The following CPM variants were observed in gnomAD, a reference collection of about 807,000 sequenced individuals.
CPM encodes renal carboxypeptidase.
Under a neutral mutation model 46.4 loss-of-function variants are expected in CPM, and 35 were observed. The observed-to-expected ratio is 0.75, with a 90% CI of 0.58 to 1.00. The LOEUF (loss-of-function observed/expected upper bound fraction) is 1.00, where lower values mean the gene tolerates loss of function less well. Ranked by LOEUF, CPM falls within the 50% of genes least tolerant of loss-of-function variation. The probability of loss-of-function intolerance (pLI) is 0.00; values close to 1 mark genes in which losing one functional copy is unlikely to be tolerated. For synonymous variants in CPM, 195 were observed against 195.3 expected (o/e 1.00, Z 0.01); for missense variants, 422 against 530.4 (o/e 0.80, Z 2.01).
At chr12:68,920,228 C>T (rs954743715) in intron 2 of CPM, among the ~76,000 whole-genome samples, 1 of 152,222 alleles carries the variant, frequency 6.6e-6, no homozygotes. Flanking sequence ...AATTAAACCT[C>T]TTTTCTTTAT....
chr12:68,929,554 C>T (rs1157790833), intron 2 of CPM, among the ~76,000 whole-genome samples: 1 of 152,114 alleles, frequency 6.6e-6, no homozygotes, highest in African/African-American at 2.4e-5. Flanking sequence ...AAAGGCTCAA[C>T]TGAAATATGG....
In CPM at chr12:68,856,179, C is replaced by T; in HGVS notation, c.*258G>A. 4.7e-6 allele frequency: 2 copies of T among 425,734 alleles called. No individual in the cohort carries two copies. The highest frequency in any genetic ancestry group is 8.3e-6 in the Non-Finnish European group (2 of 240,790). 26.4% of individuals were successfully genotyped at this position (425,734 alleles called of 1,614,324 possible). On this transcript the variant is annotated 3_prime_UTR_variant, in exon 9 of 9. Transcript: ENST00000551568. ...TAACTTCTTACACATTTTAAGACTA[C>T]TTCAAGATTAATTTGAGTGTAAATG...
At chr12:68,914,617 G>A (rs1887732422) in intron 2 of CPM, among the ~76,000 whole-genome samples, 1 of 152,166 alleles carries the variant, frequency 6.6e-6, no homozygotes, top group Non-Finnish European at 1.5e-5. Flanking sequence ...TACTCTGGCA[G>A]TTTTCTTTAC....
chr12:68,881,978 T>C (rs1886208478), intron 3 of CPM, among the ~76,000 whole-genome samples: 1 of 145,862 alleles, frequency 6.9e-6, no homozygotes, highest in Admixed American at 6.9e-5. Context: ...CACCTCAGCC[T>C]CCCAAAATGC....
chr12:68,933,151 G>T lies in CPM; in HGVS notation c.-13C>A. On this transcript the variant is annotated 5_prime_UTR_variant, in exon 1 of 9. The change creates a new upstream start codon in the 5' untranslated region. Transcript: ENST00000551568. ...GCACCCCCAGCCTCACCAGGTCCCAGGCGCGCACCTCTACCCACCCGCGGC... is the reference window on the plus strand; with the variant it reads ...GCACCCCCAGCCTCACCAGGTCCCATGCGCGCACCTCTACCCACCCGCGGC... 4.7e-6 allele frequency: 1 copy of T among 211,470 alleles called. No homozygotes were observed. Among genetic ancestry groups the T allele is most frequent in the Non-Finnish European group, 9.3e-6 (1 of 107,126 alleles). 13.1% of individuals were successfully genotyped at this position (211,470 alleles called of 1,614,324 possible).
chr12:68,864,265 T>G (rs951937620), intron 7 of CPM, among the ~76,000 whole-genome samples: 9 of 152,108 alleles, frequency 5.9e-5, no homozygotes, highest in Non-Finnish European at 1.2e-4. Flanking sequence ...GGCAATATGG[T>G]GAAACCCTGT....
chr12:68,954,002 G>A (rs184713088), intron 1 of CPM, among the ~76,000 whole-genome samples: 7 of 152,228 alleles, frequency 4.6e-5, no homozygotes, highest in Admixed American at 2.0e-4. Flanking sequence ...TTCTATTTTT[G>A]TTAGGCTTTT....
chr12:68,936,871 TAAAG>T (rs2136328238), upstream of CPM, among the ~76,000 whole-genome samples: 1 of 152,184 alleles, frequency 6.6e-6, no homozygotes, highest in Non-Finnish European at 1.5e-5. Context: ...TCTTACAAAA[TAAAG>T]AATGAGCAAA....
chr12:68,925,841 T>C (rs1888235368), intron 2 of CPM, among the ~76,000 whole-genome samples: 1 of 152,210 alleles, frequency 6.6e-6, no homozygotes, highest in African/African-American at 2.4e-5. Context: ...ATGCAAGTCA[T>C]ATATATAATT....
intron 1 of CPM, among the ~76,000 whole-genome samples, chr12:68,957,135 A>G (rs1889033803): frequency 6.6e-6 from 1 of 152,186 alleles, no homozygotes; most frequent in Non-Finnish European, 1.5e-5. Flanking sequence ...TAGAGATTGT[A>G]TCATAAAAAT....
intron 2 of CPM, among the ~76,000 whole-genome samples, chr12:68,907,415 T>C (rs1017074949): frequency 2.6e-5 from 4 of 152,190 alleles, no homozygotes; most frequent in African/African-American, 9.7e-5. Flanking sequence ...TTTCCTCATG[T>C]GTAAAAGGAG....
chr12:68,934,452 G>T (rs778725545), upstream of CPM, among the ~76,000 whole-genome samples: 23 of 152,274 alleles, frequency 1.5e-4, no homozygotes, highest in African/African-American at 3.6e-4. Flanking sequence ...GACTCCCTGA[G>T]ACTTCCAGTG....
chr12:68,891,089 T>G (rs920420240), intron 2 of CPM, among the ~76,000 whole-genome samples: 1 of 152,280 alleles, frequency 6.6e-6, no homozygotes, highest in African/African-American at 2.4e-5. Context: ...TCCACGTAAG[T>G]GGGAATAACA....
intron 1 of CPM, among the ~76,000 whole-genome samples, chr12:68,961,051 C>T (rs1889103392): frequency 1.3e-5 from 2 of 152,198 alleles, no homozygotes; most frequent in Middle Eastern, 6.8e-3. Flanking sequence ...CTGGTTGTTA[C>T]CCAAATAGAA....
intron 2 of CPM, among the ~76,000 whole-genome samples, chr12:68,931,809 G>A (rs993924653): frequency 2.0e-5 from 3 of 149,654 alleles, no homozygotes; most frequent in Admixed American, 6.6e-5. Context: ...AACGATATCT[G>A]ATCAAATTAT....
At chr12:68,844,161 AAAAT>A (rs1419934702) in intron 5 of CPM, 9 of 207,732 alleles carry the variant, frequency 4.3e-5, no homozygotes, top group Middle Eastern at 1.5e-3. Context: ...ACACGTGTTG[AAAAT>A]AAATGATTAA....
intron 3 of CPM, among the ~76,000 whole-genome samples, chr12:68,879,989 G>A (rs1042634718): frequency 6.6e-6 from 1 of 152,070 alleles, no homozygotes; most frequent in Non-Finnish European, 1.5e-5. Flanking sequence ...AGCAGAATGA[G>A]GTGATGGGGG....
Position 68,962,148 on chromosome 12 carries a change from C to T in CPM, c.-4+1021G>A, listed in dbSNP as rs11177421. 9.1e-5 allele frequency among the ~76,000 whole-genome samples: 13 copies of T among 143,296 alleles called. No homozygotes were observed. In the East Asian group the frequency reaches 2.6e-3, roughly 29 times the overall value. The allele number at this position is 143,296 out of a possible 152,430, so 94.0% of individuals were successfully genotyped here. A position where few individuals can be genotyped will look rare whatever the true frequency, so the allele number is the denominator to read the frequency against. ...CTGGGAGGCGGAGCTTGCAGTGAGCCAAGATAGCGCCACTGCACTCCAGCC... is the reference window on the plus strand; with the variant it reads ...CTGGGAGGCGGAGCTTGCAGTGAGCTAAGATAGCGCCACTGCACTCCAGCC... On this transcript the variant is annotated intron_variant, in intron 1 of 8. Transcript: ENST00000546373.
chr12:68,895,028 C>CAAAAAAAAA (rs35142646), intron 2 of CPM, among the ~76,000 whole-genome samples: 1 of 78,240 alleles, frequency 1.3e-5, no homozygotes, highest in Non-Finnish European at 2.4e-5. Flanking sequence ...GACTCAGTCT[C>CAAAAAAAAA]AAAAAAAAAA....
Sources: allele counts gnomAD v4.1 joint callset (sites outside exome capture counted in the v4.1 genomes callset), GRCh38; gene constraint gnomAD v4.1.1; transcripts MANE v1.5; gene names NCBI Gene and HGNC (gene_info 2026-07-23, HGNC 2026-07-21).